Variants in SLC25A48 observed in about 807,000 individuals in gnomAD.
SLC25A48 encodes the protein CTC-321K16.1.
SLC25A48 carries 29 observed loss-of-function variants against 32.2 expected under a neutral mutation model. The ratio of observed to expected loss-of-function variants is 0.90; its 90% CI spans 0.67 to 1.23. The LOEUF is 1.23. Ranked by LOEUF, SLC25A48 falls within the 50% of genes most tolerant of loss-of-function variation. SLC25A48 has a pLI of 0.00. For synonymous variants in SLC25A48, 164 were observed against 172.3 expected, an observed-to-expected ratio of 0.95 and a Z score of 0.38; for missense variants, 399 against 422.7, an observed-to-expected ratio of 0.94 and a Z score of 0.49.
chr5:135,825,308 C>A (rs1005201903), intron 4 of SLC25A48, among the ~76,000 whole-genome samples: 1 of 152,154 alleles, frequency 6.6e-6, no homozygotes, highest in African/African-American at 2.4e-5. Flanking sequence ...AGTGACTTGG[C>A]CAAGGGCACA....
At chr5:135,863,164 G>T (rs530563639) in intron 4 of SLC25A48, among the ~76,000 whole-genome samples, 2 of 152,282 alleles carry the variant, frequency 1.3e-5, no homozygotes, top group South Asian at 4.1e-4. Flanking sequence ...TGTCAAAAAT[G>T]ACCAAAGACC....
At chr5:135,839,519 G>T (rs895641971) in intron 1 of SLC25A48, among the ~76,000 whole-genome samples, 5 of 152,192 alleles carry the variant, frequency 3.3e-5, no homozygotes, top group Non-Finnish European at 7.3e-5. Flanking sequence ...ATAAGTGGAA[G>T]GGACTTGCCT....
intron 3 of SLC25A48, among the ~76,000 whole-genome samples, chr5:135,739,383 T>A (rs1165156332): frequency 2.0e-5 from 3 of 152,182 alleles, no homozygotes; most frequent in Non-Finnish European, 4.4e-5. Flanking sequence ...CTTTGCTGTC[T>A]CATGGCTCAG....
chr5:135,752,333 G>A (rs1755790247), intron 3 of SLC25A48, among the ~76,000 whole-genome samples: 1 of 152,202 alleles, frequency 6.6e-6, no homozygotes, highest in Admixed American at 6.5e-5. Flanking sequence ...CACTTTGGGA[G>A]GCCAAGGCAG....
intron 4 of SLC25A48, chr5:135,825,093 G>C (rs927293298): frequency 1.3e-5 from 2 of 152,252 alleles, no homozygotes; most frequent in Non-Finnish European, 2.9e-5. Flanking sequence ...TAAAGCCATT[G>C]TGAGAATTAC....
intron 3 of SLC25A48, among the ~76,000 whole-genome samples, chr5:135,748,629 G>A (rs1422604807): frequency 2.0e-5 from 3 of 152,024 alleles, no homozygotes; most frequent in African/African-American, 7.3e-5. Context: ...GAAGTGACTT[G>A]CTTAAGTTCT....
intron 3 of SLC25A48, among the ~76,000 whole-genome samples, chr5:135,674,560 CTG>C (rs145125899): frequency 0.039 from 5,857 of 151,694 alleles, 138 homozygotes; most frequent in African/African-American, 0.07. Context: ...CCTTTTTTTT[CTG>C]TGTCTTTTTT....
intron 3 of SLC25A48, among the ~76,000 whole-genome samples, chr5:135,744,920 T>C (rs908143199): frequency 6.6e-6 from 1 of 152,092 alleles, no homozygotes; most frequent in Non-Finnish European, 1.5e-5. Flanking sequence ...CGGGCATCTG[T>C]AGTCCCTGCT....
intron 3 of SLC25A48, among the ~76,000 whole-genome samples, chr5:135,643,067 T>C (rs1752877765): frequency 1.3e-5 from 2 of 152,174 alleles, no homozygotes; most frequent in Admixed American, 6.5e-5. Context: ...CAGTCAGCAG[T>C]CTGGGGTGCG....
At chr5:135,631,501 A>G (rs1752569618) in intron 2 of SLC25A48, among the ~76,000 whole-genome samples, 1 of 152,204 alleles carries the variant, frequency 6.6e-6, no homozygotes, top group Non-Finnish European at 1.5e-5. Context: ...TGGCAGTATA[A>G]TAGTTCTCAT....
intron 3 of SLC25A48, among the ~76,000 whole-genome samples, chr5:135,651,009 C>A (rs1446598563): frequency 6.6e-6 from 1 of 152,152 alleles, no homozygotes; most frequent in Non-Finnish European, 1.5e-5. Context: ...AGCTCCAAAT[C>A]TACCCTTATT....
intron 3 of SLC25A48, among the ~76,000 whole-genome samples, chr5:135,741,720 G>A (rs139875627): frequency 3.9e-5 from 6 of 152,316 alleles, no homozygotes; most frequent in Admixed American, 1.3e-4. Context: ...CAGCCTGGGT[G>A]ACAGAGTGAG....
At chr5:135,884,797 T>TG (rs1762659140) in intron 7 of SLC25A48, among the ~76,000 whole-genome samples, 2 of 152,182 alleles carry the variant, frequency 1.3e-5, no homozygotes, top group Non-Finnish European at 2.9e-5. Context: ...AGTGGTGCTG[T>TG]GTCCACAAGG....
intron 3 of SLC25A48, among the ~76,000 whole-genome samples, chr5:135,787,665 G>T (rs909959389): frequency 6.6e-6 from 1 of 151,778 alleles, no homozygotes; most frequent in Non-Finnish European, 1.5e-5. Flanking sequence ...ATCCTAGGGG[G>T]GATGTTACTC....
chr5:135,609,941 A>AT (rs1752026803), intron 1 of SLC25A48, among the ~76,000 whole-genome samples: 1 of 152,186 alleles, frequency 6.6e-6, no homozygotes, highest in African/African-American at 2.4e-5. Flanking sequence ...TTACTGTTTG[A>AT]TTTTTTAAAC....
chr5:135,678,682 A>T (rs1246778135), intron 3 of SLC25A48, among the ~76,000 whole-genome samples: 1 of 152,072 alleles, frequency 6.6e-6, no homozygotes, highest in Admixed American at 6.6e-5. Flanking sequence ...CTTTTGAGGG[A>T]CGGGGGTAAT....
intron 3 of SLC25A48, among the ~76,000 whole-genome samples, chr5:135,766,984 G>A (rs562774471): frequency 6.6e-5 from 10 of 151,744 alleles, no homozygotes; most frequent in African/African-American, 9.7e-5. Flanking sequence ...GATATGGTTC[G>A]TAATATACAG....
intron 4 of SLC25A48, among the ~76,000 whole-genome samples, chr5:135,861,373 A>C (rs1451129380): frequency 6.6e-6 from 1 of 152,066 alleles, no homozygotes; most frequent in Non-Finnish European, 1.5e-5. Context: ...GGTAAAAATT[A>C]AGCTTCCAGA....
intron 3 of SLC25A48, among the ~76,000 whole-genome samples, chr5:135,678,186 A>G (rs1448205393): frequency 6.6e-6 from 1 of 152,170 alleles, no homozygotes; most frequent in African/African-American, 2.4e-5. Context: ...TGTCACATAT[A>G]CCACATAAGC....
Sources: gnomAD v4.1 joint callset for allele counts (sites outside exome capture counted in the v4.1 genomes callset) on GRCh38, gnomAD v4.1.1 for gene constraint, MANE v1.5 for transcripts, NCBI Gene and HGNC (gene_info 2026-07-23, HGNC 2026-07-21) for gene names.